The following PHLPP1 variants were observed in gnomAD, a reference collection of about 807,000 sequenced individuals.
The protein encoded by PHLPP1 is PH domain leucine-rich repeat-containing protein phosphatase 1.
PHLPP1 carries 42 observed loss-of-function variants against 117.2 expected under a neutral mutation model. The observed-to-expected ratio is 0.36, with a 90% CI of 0.28 to 0.46. PHLPP1 has a LOEUF of 0.46. PHLPP1 is among the 20% of genes least tolerant of loss of function. The probability of loss-of-function intolerance (pLI) is 1.00; values close to 1 mark genes in which losing one functional copy is unlikely to be tolerated. For missense variants in PHLPP1, 2,084 were observed against 2,241.9 expected (o/e 0.93, Z 1.42); for synonymous variants, 1,042 against 970.7 (o/e 1.07, Z -1.37).
At chr18:62,719,928 T>C (rs1182568796) in intron 1 of PHLPP1, among the ~76,000 whole-genome samples, 1 of 152,164 alleles carries the variant, frequency 6.6e-6, no homozygotes, top group African/African-American at 2.4e-5. Context: ...TTTAAATATT[T>C]ATCTGGGTAA....
At chr18:62,916,487 G>T (rs1909279053) in intron 9 of PHLPP1, among the ~76,000 whole-genome samples, 1 of 151,500 alleles carries the variant, frequency 6.6e-6, no homozygotes, top group Non-Finnish European at 1.5e-5. Flanking sequence ...ATTATGTTCT[G>T]CAGCAATACA....
chr18:62,885,458 G>A (rs941084796), intron 4 of PHLPP1, among the ~76,000 whole-genome samples: 3 of 152,098 alleles, frequency 2.0e-5, no homozygotes, highest in East Asian at 1.9e-4. Context: ...TCAGAAGTTC[G>A]AGACCAGCCT....
At chr18:62,739,334 T>A (rs1292779553) in intron 1 of PHLPP1, among the ~76,000 whole-genome samples, 1 of 152,212 alleles carries the variant, frequency 6.6e-6, no homozygotes, top group African/African-American at 2.4e-5. Flanking sequence ...GAAGGTCAGT[T>A]AGCTGGCAAA....
chr18:62,874,087 G>C (rs1915975091), intron 4 of PHLPP1, among the ~76,000 whole-genome samples: 1 of 151,022 alleles, frequency 6.6e-6, no homozygotes, highest in South Asian at 2.1e-4. Flanking sequence ...GTGAGGCTGA[G>C]ACAGGAGAAT....
chr18:62,782,750 A>C lies in PHLPP1; in HGVS notation c.1577-47285A>C, dbSNP rs76486488. Among the ~76,000 whole-genome samples, 1,512 of 152,256 alleles carry C rather than the reference A, an allele frequency of 9.9e-3. 27 individuals carry two copies. The highest frequency in any genetic ancestry group is 0.035 in the African/African-American group (1,456 of 41,536). On this transcript the variant is annotated intron_variant, in intron 1 of 16. Transcript: ENST00000262719. Reference sequence around the variant, plus strand: ...CTATCCTATAAATTCTTACCTGTAAATTATTTGAGGGAAGGAGAAATAACA... The same window carrying C: ...CTATCCTATAAATTCTTACCTGTAACTTATTTGAGGGAAGGAGAAATAACA...
At chr18:62,749,536 A>G (rs530268786) in intron 1 of PHLPP1, among the ~76,000 whole-genome samples, 5 of 152,326 alleles carry the variant, frequency 3.3e-5, no homozygotes, top group Non-Finnish European at 7.4e-5. Context: ...GGTGGCTTAA[A>G]CAACAGAAAT....
At chr18:62,814,518 A>T (rs553126482) in intron 1 of PHLPP1, among the ~76,000 whole-genome samples, 5 of 152,248 alleles carry the variant, frequency 3.3e-5, no homozygotes, top group Non-Finnish European at 4.4e-5. Flanking sequence ...GAAGGATTTA[A>T]GGATTTATAT....
At chr18:62,878,348 T>C (rs540113728) in intron 4 of PHLPP1, among the ~76,000 whole-genome samples, 2 of 152,338 alleles carry the variant, frequency 1.3e-5, no homozygotes, top group Admixed American at 1.3e-4. Flanking sequence ...ATGAGAATGC[T>C]GATGGAGACC....
At chr18:62,794,211 T>C (rs1913554634) in intron 1 of PHLPP1, among the ~76,000 whole-genome samples, 2 of 152,146 alleles carry the variant, frequency 1.3e-5, no homozygotes, top group Non-Finnish European at 2.9e-5. Flanking sequence ...AGTGATAGAT[T>C]TGAAGTGCTT....
intron 1 of PHLPP1, among the ~76,000 whole-genome samples, chr18:62,771,722 C>T (rs1211668836): frequency 6.6e-6 from 1 of 152,158 alleles, no homozygotes; most frequent in African/African-American, 2.4e-5. Context: ...GAGTCATCTG[C>T]GTCGTTAACA....
chr18:62,871,480 A>C (rs1336591553), intron 4 of PHLPP1, among the ~76,000 whole-genome samples: 1 of 151,550 alleles, frequency 6.6e-6, no homozygotes, highest in Non-Finnish European at 1.5e-5. Context: ...GGCGTGCACC[A>C]CCACACCCGG....
intron 4 of PHLPP1, among the ~76,000 whole-genome samples, chr18:62,885,869 G>C (rs1251463722): frequency 6.6e-6 from 1 of 152,182 alleles, no homozygotes; most frequent in Non-Finnish European, 1.5e-5. Flanking sequence ...AGTGTAGACA[G>C]TGATACATTT....
At chr18:62,765,983 G>C (rs1383222815) in intron 1 of PHLPP1, among the ~76,000 whole-genome samples, 1 of 146,060 alleles carries the variant, frequency 6.8e-6, no homozygotes, top group Non-Finnish European at 1.5e-5. Context: ...GGGCGACAGA[G>C]CGAGAAGGGG....
intron 1 of PHLPP1, among the ~76,000 whole-genome samples, chr18:62,750,827 A>G (rs1318525148): frequency 6.6e-6 from 1 of 151,920 alleles, no homozygotes; most frequent in African/African-American, 2.4e-5. Context: ...GGTTTAGGTG[A>G]CAGGTCACCC....
In PHLPP1 at chr18:62,729,831, T is replaced by G. The variant is rs926301361; in HGVS notation, c.1576+12572T>G. Among the ~76,000 whole-genome samples, 6 of 152,262 alleles carry G rather than the reference T, an allele frequency of 3.9e-5. No individual in the cohort carries two copies. In the East Asian group the frequency reaches 1.2e-3, roughly 29 times the overall value. On this transcript the variant is annotated intron_variant, in intron 1 of 16. Transcript: ENST00000262719. ...GAACTGCTTCAGCACAATTGTATCC[T>G]GCTACCTAATGTTCAAGAAATTATA...
intron 1 of PHLPP1, among the ~76,000 whole-genome samples, chr18:62,780,385 A>G (rs965887092): frequency 4.6e-5 from 7 of 152,232 alleles, no homozygotes; most frequent in Non-Finnish European, 1.0e-4. Flanking sequence ...TGGCCTTCTC[A>G]CAGTTTGAAG....
intron 12 of PHLPP1, among the ~76,000 whole-genome samples, chr18:62,950,237 A>G (rs1159095312): frequency 6.6e-6 from 1 of 152,238 alleles, no homozygotes; most frequent in Non-Finnish European, 1.5e-5. Flanking sequence ...TCCATGCAGT[A>G]ATAAACTACT....
At chr18:62,914,823 G>C in intron 8 of PHLPP1, 90 bp from the exon 9 acceptor site, 1 of 842,680 alleles carries the variant, frequency 1.2e-6, no homozygotes, top group Non-Finnish European at 1.9e-6. Flanking sequence ...TATTTTATTT[G>C]AGGTTTTATT....
chr18:62,806,290 T>C (rs899896136), intron 1 of PHLPP1, among the ~76,000 whole-genome samples: 1 of 152,314 alleles, frequency 6.6e-6, no homozygotes, highest in East Asian at 1.9e-4. Context: ...TGCCATTTTG[T>C]TCTTGATTTA....
Sources: allele counts gnomAD v4.1 joint callset (sites outside exome capture counted in the v4.1 genomes callset), GRCh38; gene constraint gnomAD v4.1.1; transcripts MANE v1.5; gene names NCBI Gene and HGNC (gene_info 2026-07-23, HGNC 2026-07-21).